Variants in PHF24 observed in about 807,000 individuals in gnomAD.
The protein encoded by PHF24 is Galpha inhibitory interacting protein.
In PHF24, 25 loss-of-function variants were observed where a neutral mutation model predicts 42.6. The observed-to-expected ratio is 0.59, with a 90% confidence interval of 0.43 to 0.82. PHF24 has a LOEUF of 0.82. PHF24 is among the 40% of genes least tolerant of loss of function. The probability of loss-of-function intolerance (pLI) is 0.00; values close to 1 mark genes in which losing one functional copy is unlikely to be tolerated. For synonymous variants in PHF24, 185 were observed against 204.8 expected, an observed-to-expected ratio of 0.90 and a Z score of 0.83; for missense variants, 470 against 538.1, an observed-to-expected ratio of 0.87 and a Z score of 1.25.
At chr9:34,932,312 A>G in the PHF24 span, among the ~76,000 whole-genome samples, 1 of 152,232 alleles carries the variant, frequency 6.6e-6, no homozygotes. Context: ...GGATGTGGTA[A>G]GAGATTCAAG....
At chr9:34,682,348 A>G in the PHF24 span, among the ~76,000 whole-genome samples, 1 of 151,970 alleles carries the variant, frequency 6.6e-6, no homozygotes, top group Admixed American at 6.6e-5. Flanking sequence ...CTGTTGTTTA[A>G]GCTACACAGT....
the PHF24 span, among the ~76,000 whole-genome samples, chr9:34,909,501 C>T: frequency 1.4e-4 from 21 of 151,922 alleles, 1 homozygote; most frequent in South Asian, 2.1e-3. Flanking sequence ...ATCTTGTATG[C>T]TTCTCTGTCT....
the PHF24 span, among the ~76,000 whole-genome samples, chr9:34,674,516 A>G: frequency 2.6e-5 from 4 of 152,282 alleles, no homozygotes; most frequent in African/African-American, 7.2e-5. Flanking sequence ...TTGCAGCACA[A>G]AAGCAGTCAT....
chr9:34,710,144 C>T, the PHF24 span: 2 of 1,168,354 alleles, frequency 1.7e-6, no homozygotes, highest in African/African-American at 3.0e-5. Context: ...TGTGCGTGGG[C>T]TGGGATTGGC....
chr9:34,853,411 G>T, the PHF24 span, among the ~76,000 whole-genome samples: 1 of 152,096 alleles, frequency 6.6e-6, no homozygotes, highest in Non-Finnish European at 1.5e-5. Flanking sequence ...GGGGATATTG[G>T]CCTAAAGTTT....
At chr9:34,809,406 T>TA in the PHF24 span, among the ~76,000 whole-genome samples, 1 of 152,220 alleles carries the variant, frequency 6.6e-6, no homozygotes, top group African/African-American at 2.4e-5. This position sits in a 1 kb window ranked among gnomAD's most constrained non-coding sequence, Gnocchi z 4.1. Flanking sequence ...TAATGCACAT[T>TA]AAAGCCTTCA....
At chr9:34,749,103 T>C in the PHF24 span, among the ~76,000 whole-genome samples, 5 of 151,924 alleles carry the variant, frequency 3.3e-5, no homozygotes, top group East Asian at 7.8e-4. Flanking sequence ...GTAGAATTGA[T>C]CAAGCAGAAG....
At chr9:34,913,658 G>A in the PHF24 span, among the ~76,000 whole-genome samples, 1 of 152,176 alleles carries the variant, frequency 6.6e-6, no homozygotes, top group Admixed American at 6.5e-5. Context: ...GACACAGCTA[G>A]AGAGTAAATA....
At chr9:34,935,308 G>C in the PHF24 span, among the ~76,000 whole-genome samples, 1 of 152,272 alleles carries the variant, frequency 6.6e-6, no homozygotes, top group East Asian at 1.9e-4. Context: ...GAATGGAACC[G>C]GGCGCAGTGG....
At chr9:34,709,872 A>G in the PHF24 span, 8 of 1,614,088 alleles carry the variant, frequency 5.0e-6, no homozygotes, top group Non-Finnish European at 5.9e-6. Flanking sequence ...ACTTGAGGCA[A>G]CAGTCCTGAG....
At chr9:34,877,097 A>T in the PHF24 span, among the ~76,000 whole-genome samples, 3 of 152,144 alleles carry the variant, frequency 2.0e-5, no homozygotes, top group Non-Finnish European at 4.4e-5. Context: ...GCCTGGCAAC[A>T]TGACGAAACC....
At chr9:34,828,911 T>TTATCTATATCTATATCTATATCTA in the PHF24 span, among the ~76,000 whole-genome samples, 34,677 of 143,154 alleles carry the variant, frequency 0.24, 4,667 homozygotes, top group East Asian at 0.31. Context: ...TTGCATGGTT[T>TTATCTATATCTATATCTATATCTA]TATCTATATC....
the PHF24 span, among the ~76,000 whole-genome samples, chr9:34,750,871 T>C: frequency 6.6e-6 from 1 of 152,194 alleles, no homozygotes; most frequent in African/African-American, 2.4e-5. Context: ...CTTAGTATTT[T>C]ACTATGTTAT....
chr9:34,692,745 A>G, the PHF24 span, among the ~76,000 whole-genome samples: 3 of 151,328 alleles, frequency 2.0e-5, no homozygotes, highest in East Asian at 1.9e-4. Context: ...TTAGAGGCTG[A>G]CGCACAATAA....
At chr9:34,712,680 C>G in the PHF24 span, among the ~76,000 whole-genome samples, 1 of 151,944 alleles carries the variant, frequency 6.6e-6, no homozygotes, top group East Asian at 1.9e-4. Context: ...TTTCAGATTT[C>G]CCTTAACTCT....
chr9:34,939,717 AG>A, the PHF24 span, among the ~76,000 whole-genome samples: 1 of 152,206 alleles, frequency 6.6e-6, no homozygotes, highest in Non-Finnish European at 1.5e-5. Context: ...GAGATTGGAG[AG>A]GCACATTCTC....
the PHF24 span, chr9:34,690,268 T>C: frequency 4.3e-6 from 7 of 1,613,978 alleles, no homozygotes; most frequent in Non-Finnish European, 5.9e-6. Flanking sequence ...TTCCTCACGA[T>C]GTACCCAGGG....
At chr9:34,680,714 A>AGAT in the PHF24 span, among the ~76,000 whole-genome samples, 1 of 105,034 alleles carries the variant, frequency 9.5e-6, no homozygotes, top group Non-Finnish European at 2.0e-5. Flanking sequence ...AAATAAAAAA[A>AGAT]AAAATAAAAT....
chr9:34,950,042 GTTATGGTTAAAAATAATAA>G, the PHF24 span, among the ~76,000 whole-genome samples: 1 of 151,882 alleles, frequency 6.6e-6, no homozygotes, highest in Non-Finnish European at 1.5e-5. Context: ...TCATAAGCCA[GTTATGGTTAAAAATAATAA>G]TAACCACATG....
Sources: gnomAD v4.1 joint callset for allele counts (sites outside exome capture counted in the v4.1 genomes callset) on GRCh38, gnomAD v4.1.1 for gene constraint, Gnocchi (gnomAD v3.1) non-coding constraint, MANE v1.5 for transcripts, NCBI Gene and HGNC (gene_info 2026-07-23, HGNC 2026-07-21) for gene names.